GNAQ: variants seen among roughly 807,000 people sequenced by gnomAD.
GNAQ encodes G protein subunit alpha q.
In GNAQ, 8 loss-of-function variants were observed where a neutral mutation model predicts 43.9. The observed-to-expected ratio is 0.18, with a 90% CI of 0.11 to 0.33. GNAQ has a LOEUF of 0.33. Among genes scored for constraint, GNAQ ranks in the 10% least tolerant of loss-of-function variants. GNAQ has a pLI of 1.00. For missense variants in GNAQ, 158 were observed against 450.8 expected (o/e 0.35, Z 5.88); for synonymous variants, 155 against 170.7 (o/e 0.91, Z 0.71).
intron 2 of GNAQ, among the ~76,000 whole-genome samples, chr9:77,833,448 A>C (rs1017803599): frequency 5.3e-5 from 8 of 152,236 alleles, no homozygotes; most frequent in Non-Finnish European, 1.2e-4. Flanking sequence ...GTTGGCACTC[A>C]GTCACTTTAG....
At chr9:77,743,270 AAAAC>A (rs375247687) in intron 5 of GNAQ, among the ~76,000 whole-genome samples, 86 of 151,710 alleles carry the variant, frequency 5.7e-4, no homozygotes, top group East Asian at 1.9e-3. Context: ...CAAAAAACAA[AAAAC>A]AAACAAACAA....
At chr9:77,925,373 C>T (rs1438205001) in intron 1 of GNAQ, among the ~76,000 whole-genome samples, 1 of 152,122 alleles carries the variant, frequency 6.6e-6, no homozygotes, top group African/African-American at 2.4e-5. Context: ...TTCTGGAAGC[C>T]AATCATGATA....
At position 77,828,059 on chromosome 9, in the gene GNAQ, C is replaced by CAAAAAAAAAAAAAAAAAAAAAAAA. The variant is rs71360654; in HGVS notation, c.322-12313_322-12290dup. Among the ~76,000 whole-genome samples the CAAAAAAAAAAAAAAAAAAAAAAAA allele has an allele frequency of 8.3e-4, 16 of 19,246 alleles. 1 individual carries two copies. The highest frequency in any genetic ancestry group is 1.2e-3 in the Non-Finnish European group (12 of 10,398). The allele number at this position is 19,246 out of a possible 152,430, so 12.6% of individuals were successfully genotyped here. On this transcript the variant is annotated intron_variant, in intron 2 of 6. Coordinates refer to ENST00000286548, the MANE Select transcript of GNAQ (RefSeq NM_002072.5). ...TGGGCGACAGAGTGAGACTCCTCCTCAAAAAAAAAAAAAAAAAAAAAAAAA... is the reference window on the plus strand; with the variant it reads ...TGGGCGACAGAGTGAGACTCCTCCTCAAAAAAAAAAAAAAAAAAAAAAAAAAAAAAAAAAAAAAAAAAAAAAAAA...
chr9:77,853,265 G>C (rs772261250), intron 2 of GNAQ, among the ~76,000 whole-genome samples: 1 of 152,006 alleles, frequency 6.6e-6, no homozygotes, highest in African/African-American at 2.4e-5. Context: ...GTGGCTCTTT[G>C]GGCATATTTT....
intron 1 of GNAQ, among the ~76,000 whole-genome samples, chr9:77,947,819 G>A (rs778116197): frequency 1.3e-5 from 2 of 152,190 alleles, no homozygotes; most frequent in Non-Finnish European, 2.9e-5. Context: ...AGACTTCAGC[G>A]CCATGGAAGC....
intron 1 of GNAQ, among the ~76,000 whole-genome samples, chr9:77,973,048 T>C (rs1449389832): frequency 6.6e-6 from 1 of 150,794 alleles, no homozygotes; most frequent in East Asian, 1.9e-4. Context: ...ACCACATTAC[T>C]GGACTTTAAG....
intron 2 of GNAQ, among the ~76,000 whole-genome samples, chr9:77,898,258 C>T (rs922782294): frequency 2.0e-5 from 3 of 152,206 alleles, no homozygotes; most frequent in Non-Finnish European, 4.4e-5. Flanking sequence ...CATCATCCCT[C>T]TCCAATAGCT....
chr9:77,753,102 A>AAG lies in GNAQ; in HGVS notation c.736-24436_736-24435insCT, dbSNP rs1554713153. On this transcript the variant is annotated intron_variant, in intron 5 of 6. Transcript: ENST00000286548. ...ACTCTGTCTCAAAAAAAAAAAAAAAAAAAAGAAAAAGGAAAAAAAGAAGAT... is the reference window on the plus strand; with the variant it reads ...ACTCTGTCTCAAAAAAAAAAAAAAAAAGAAAAGAAAAAGGAAAAAAAGAAGAT... 7.3e-5 allele frequency among the ~76,000 whole-genome samples: 11 copies of AAG among 151,538 alleles called. 1 individual carries two copies. The highest frequency in any genetic ancestry group is 2.4e-4 in the African/African-American group (10 of 41,304).
At chr9:78,007,897 C>T (rs142204010) in intron 1 of GNAQ, among the ~76,000 whole-genome samples, 181 of 152,250 alleles carry the variant, frequency 1.2e-3, no homozygotes, top group African/African-American at 4.2e-3. Context: ...ATGGTGTATC[C>T]CCACTGTAAA....
chr9:77,811,284 T>G (rs1305328298), intron 3 of GNAQ, among the ~76,000 whole-genome samples: 1 of 151,688 alleles, frequency 6.6e-6, no homozygotes, highest in Non-Finnish European at 1.5e-5. Context: ...TATGTTTCAA[T>G]TATAAAGATA....
intron 5 of GNAQ, among the ~76,000 whole-genome samples, chr9:77,734,636 GA>G (rs1288079270): frequency 7.2e-5 from 11 of 152,142 alleles, no homozygotes; most frequent in Non-Finnish European, 1.6e-4. Flanking sequence ...GGGAGACACA[GA>G]AGGTGTTGAG....
intron 5 of GNAQ, among the ~76,000 whole-genome samples, chr9:77,753,737 A>G (rs1324736996): frequency 1.3e-5 from 2 of 152,220 alleles, no homozygotes; most frequent in Non-Finnish European, 2.9e-5. Flanking sequence ...CCTGTGGATC[A>G]TGAGTATTAT....
Position 77,850,583 on chromosome 9 carries a change from G to T in GNAQ, c.322-34813C>A, listed in dbSNP as rs541376462. Among the ~76,000 whole-genome samples, 9 of 152,180 alleles carry T rather than the reference G, an allele frequency of 5.9e-5. No individual in the cohort carries two copies. The South Asian group carries it at 1.9e-3, about 32-fold the overall frequency. ...TTAAAGCCTTTCCACAGCTCCACACGATTTACAGGACAAAGCATTTCTGAT... is the reference window on the plus strand; with the variant it reads ...TTAAAGCCTTTCCACAGCTCCACACTATTTACAGGACAAAGCATTTCTGAT... On this transcript the variant is annotated intron_variant, in intron 2 of 6. Transcript: ENST00000286548.
chr9:77,934,995 T>C (rs1311091383), intron 1 of GNAQ, among the ~76,000 whole-genome samples: 1 of 151,998 alleles, frequency 6.6e-6, no homozygotes, highest in Non-Finnish European at 1.5e-5. Context: ...TATGGTGGTG[T>C]GGGCCTGTAG....
chr9:77,775,189 T>A (rs1248966297), intron 5 of GNAQ, among the ~76,000 whole-genome samples: 1 of 152,162 alleles, frequency 6.6e-6, no homozygotes, highest in African/African-American at 2.4e-5. Flanking sequence ...TACAATTGGA[T>A]AATTTAATTA....
intron 1 of GNAQ, among the ~76,000 whole-genome samples, chr9:78,029,596 T>C (rs562435086): frequency 2.6e-5 from 4 of 152,368 alleles, no homozygotes; most frequent in African/African-American, 7.2e-5. Context: ...ATTTATCTAA[T>C]TGAGTTTCAA....
chr9:77,894,285 A>T (rs1009009229), intron 2 of GNAQ, among the ~76,000 whole-genome samples: 64 of 138,894 alleles, frequency 4.6e-4, no homozygotes, highest in African/African-American at 1.7e-3. Context: ...TATTGCTAAT[A>T]ATACACTGTT....
intron 2 of GNAQ, among the ~76,000 whole-genome samples, chr9:77,876,600 C>T (rs1202358074): frequency 6.6e-6 from 1 of 152,168 alleles, no homozygotes; most frequent in East Asian, 1.9e-4. Context: ...CCATTGTTTC[C>T]AGCCACTGTT....
At chr9:77,723,941 A>G (rs977898351) in intron 6 of GNAQ, among the ~76,000 whole-genome samples, 3 of 152,228 alleles carry the variant, frequency 2.0e-5, no homozygotes, top group African/African-American at 7.2e-5. Context: ...AAAAAGTACT[A>G]TATCAAAACC....
Sources: allele counts gnomAD v4.1 joint callset (sites outside exome capture counted in the v4.1 genomes callset), GRCh38; gene constraint gnomAD v4.1.1; transcripts MANE v1.5; gene names NCBI Gene and HGNC (gene_info 2026-07-23, HGNC 2026-07-21).